Variants in NFIB observed in about 807,000 individuals in gnomAD.
The protein encoded by NFIB is nuclear factor I B.
Under a neutral mutation model 61.5 loss-of-function variants are expected in NFIB, and 11 were observed. That is an observed-to-expected ratio of 0.18 (90% CI 0.11 to 0.30). NFIB has a LOEUF of 0.30. NFIB is among the 10% of genes least tolerant of loss of function. The pLI is 1.00. For missense variants in NFIB, 471 were observed against 608.9 expected (o/e 0.77, Z 2.38); for synonymous variants, 260 against 216.5 (o/e 1.20, Z -1.76).
At chr9:14,147,139 G>A (rs912283812) in intron 5 of NFIB, among the ~76,000 whole-genome samples, 1 of 152,016 alleles carries the variant, frequency 6.6e-6, no homozygotes, top group African/African-American at 2.4e-5. Flanking sequence ...GTGTTATTGT[G>A]TACCTGACTC....
intron 1 of NFIB, chr9:14,322,233 G>T: frequency 4.1e-6 from 3 of 736,196 alleles, no homozygotes; most frequent in Non-Finnish European, 5.5e-6. Flanking sequence ...TGGATTTCCA[G>T]CTTTCTTTCC....
At chr9:14,446,158 C>T in the NFIB span, among the ~76,000 whole-genome samples, 1 of 152,144 alleles carries the variant, frequency 6.6e-6, no homozygotes, top group Non-Finnish European at 1.5e-5. Flanking sequence ...GTAATTTCCT[C>T]ATTTTGATTT....
intron 3 of NFIB, among the ~76,000 whole-genome samples, chr9:14,177,493 A>C (rs2046316098): frequency 6.6e-6 from 1 of 152,116 alleles, no homozygotes; most frequent in Non-Finnish European, 1.5e-5. Context: ...AGAATTCCTT[A>C]ATAAGCCTTA....
chr9:14,254,306 AC>A (rs1403200443), intron 2 of NFIB, among the ~76,000 whole-genome samples: 1 of 145,358 alleles, frequency 6.9e-6, no homozygotes, highest in Non-Finnish European at 1.5e-5. Context: ...CTCAAAAAAA[AC>A]AAAACAAAAC....
chr9:14,258,118 G>C (rs1360862121), intron 2 of NFIB, among the ~76,000 whole-genome samples: 1 of 152,158 alleles, frequency 6.6e-6, no homozygotes, highest in Non-Finnish European at 1.5e-5. Context: ...ACTCGTATTA[G>C]AACATGAATT....
At chr9:14,401,997 C>T (rs1437010236), upstream of NFIB, among the ~76,000 whole-genome samples, 1 of 152,126 alleles carries the variant, frequency 6.6e-6, no homozygotes, top group African/African-American at 2.4e-5. Context: ...TGTACGTGTG[C>T]ATGTACCCCT....
chr9:14,308,659 G>A (rs1382625338), intron 1 of NFIB, among the ~76,000 whole-genome samples: 1 of 104,698 alleles, frequency 9.6e-6, no homozygotes, highest in Non-Finnish European at 2.6e-5. Flanking sequence ...CATTTGCCAT[G>A]TAGATGAATT....
intron 2 of NFIB, among the ~76,000 whole-genome samples, chr9:14,186,619 G>C (rs1426591614): frequency 6.7e-6 from 1 of 149,644 alleles, no homozygotes; most frequent in East Asian, 2.2e-4. Context: ...TATTCTCCTT[G>C]GGCCAAACCT....
chr9:14,278,845 C>T (rs1011967408), intron 2 of NFIB, among the ~76,000 whole-genome samples: 4 of 152,086 alleles, frequency 2.6e-5, no homozygotes, highest in African/African-American at 4.8e-5. Flanking sequence ...TAGAACTTCA[C>T]GCTACTTATA....
At chr9:14,266,034 G>A (rs976145511) in intron 2 of NFIB, among the ~76,000 whole-genome samples, 2 of 152,268 alleles carry the variant, frequency 1.3e-5, no homozygotes, top group Admixed American at 6.5e-5. Flanking sequence ...TGTTTGGTGT[G>A]ATGACAGTAA....
At chr9:14,189,371 C>T (rs1346082548) in intron 2 of NFIB, among the ~76,000 whole-genome samples, 1 of 152,178 alleles carries the variant, frequency 6.6e-6, no homozygotes, top group Non-Finnish European at 1.5e-5. Flanking sequence ...CACGCTGACT[C>T]TAAGCAAACC....
chr9:14,151,646 G>C (rs750524218), intron 4 of NFIB, among the ~76,000 whole-genome samples: 6 of 152,142 alleles, frequency 3.9e-5, no homozygotes, highest in Non-Finnish European at 8.8e-5. Flanking sequence ...ATGAGTAAGA[G>C]ATTAGAGGGA....
intron 2 of NFIB, among the ~76,000 whole-genome samples, chr9:14,250,871 T>A (rs146857812): frequency 6.6e-6 from 1 of 152,224 alleles, no homozygotes; most frequent in African/African-American, 2.4e-5. Context: ...TCTGGACTTA[T>A]GACATTTGAG....
intron 2 of NFIB, among the ~76,000 whole-genome samples, chr9:14,266,053 T>C (rs1296529469): frequency 6.6e-6 from 1 of 152,114 alleles, no homozygotes. Context: ...AAAAAGGTCC[T>C]GAGGGCTGAA....
chr9:14,209,282 T>C (rs1334145065), intron 2 of NFIB, among the ~76,000 whole-genome samples: 1 of 152,226 alleles, frequency 6.6e-6, no homozygotes, highest in Admixed American at 6.5e-5. Flanking sequence ...GTAATTGCAC[T>C]ACTGGTAACT....
chr9:14,358,573 T>C (rs892036109), intron 1 of NFIB, among the ~76,000 whole-genome samples: 8 of 152,224 alleles, frequency 5.3e-5, no homozygotes, highest in African/African-American at 1.9e-4. Flanking sequence ...CACTGAGGAC[T>C]GAGGTGGATT....
At chr9:14,403,292 G>C (rs994836568), upstream of NFIB, among the ~76,000 whole-genome samples, 1 of 152,204 alleles carries the variant, frequency 6.6e-6, no homozygotes, top group Non-Finnish European at 1.5e-5. Flanking sequence ...TTTAAGAGAC[G>C]ATAGGTTTTT....
chr9:14,237,763 AGTGTGTGTGTGTGTGTGTGT>A lies in NFIB; in HGVS notation c.563-58003_563-57984del, dbSNP rs71321971. Among the ~76,000 whole-genome samples, 84 of 85,132 alleles carry A rather than the reference AGTGTGTGTGTGTGTGTGTGT, an allele frequency of 9.9e-4. No individual in the cohort carries two copies. In the East Asian group the frequency reaches 0.015, roughly 15 times the overall value. 55.8% of individuals were successfully genotyped at this position (85,132 alleles called of 152,430 possible). A position where few individuals can be genotyped will look rare whatever the true frequency, so the allele number is the denominator to read the frequency against. On this transcript the variant is annotated intron_variant, in intron 2 of 10. Transcript: ENST00000380953. ...AGCTCCTCACCCTGCTAGGTATAAC[AGTGTGTGTGTGTGTGTGTGT>A]GTGTGTGTGTGTGTGTGTGTGTGTG... is the stretch of plus-strand genomic sequence containing the variant.
At chr9:14,334,794 C>T (rs1247892741) in intron 1 of NFIB, among the ~76,000 whole-genome samples, 2 of 152,168 alleles carry the variant, frequency 1.3e-5, no homozygotes, top group African/African-American at 2.4e-5. Context: ...AGATAGGCAA[C>T]ATTTCTATTA....
Sources: allele counts gnomAD v4.1 joint callset (sites outside exome capture counted in the v4.1 genomes callset), GRCh38; gene constraint gnomAD v4.1.1; transcripts MANE v1.5; gene names NCBI Gene and HGNC (gene_info 2026-07-23, HGNC 2026-07-21).